DENND2B: variants seen among roughly 807,000 people sequenced by gnomAD.
DENND2B encodes the protein DENN domain containing 2B.
In DENND2B, 32 loss-of-function variants were observed where a neutral mutation model predicts 116.0. That is an observed-to-expected ratio of 0.28 (90% CI 0.21 to 0.37). The LOEUF (loss-of-function observed/expected upper bound fraction) is 0.37, where lower values mean the gene tolerates loss of function less well. DENND2B is among the 10% of genes least tolerant of loss of function. The pLI, the probability that DENND2B is intolerant of heterozygous loss-of-function variation, is 1.00. For synonymous variants in DENND2B, 588 were observed against 583.9 expected, an observed-to-expected ratio of 1.01 and a Z score of -0.10; for missense variants, 1,276 against 1,477.7, an observed-to-expected ratio of 0.86 and a Z score of 2.24.
chr11:8,862,039 G>A (rs961824758), intron 2 of DENND2B, among the ~76,000 whole-genome samples: 1 of 151,764 alleles, frequency 6.6e-6, no homozygotes, highest in African/African-American at 2.4e-5. Flanking sequence ...GGGGGAGGAA[G>A]GGAGGGAGGG....
chr11:8,842,545 G>A (rs923788655), intron 3 of DENND2B, among the ~76,000 whole-genome samples: 4 of 152,136 alleles, frequency 2.6e-5, no homozygotes, highest in African/African-American at 7.2e-5. Context: ...GTGTGGTATC[G>A]ACTCGACCCT....
intron 6 of DENND2B, 43 bp downstream of exon 6, chr11:8,715,560 G>A (rs372761205): frequency 2.5e-5 from 40 of 1,597,504 alleles, no homozygotes; most frequent in African/African-American, 1.3e-4. Context: ...CTGCCTGCCC[G>A]CCCACCTGCC....
rs528933666 is a variant in DENND2B, at chr11:8,708,377, A to C, written c.2353-523T>G. 5 of 971,294 alleles carry C rather than the reference A, an allele frequency of 5.1e-6. No homozygotes were observed. The South Asian group carries it at 1.4e-4, about 28-fold the overall frequency. 60.2% of individuals were successfully genotyped at this position (971,294 alleles called of 1,614,324 possible). A position where few individuals can be genotyped will look rare whatever the true frequency, so the allele number is the denominator to read the frequency against. ...AAACAAGAGATGGGAGCTACTGTTT[A>C]TGGAACATTTGCTATACCTGACTCC... On this transcript the variant is annotated intron_variant, in intron 11 of 19. Transcript: ENST00000313726.
intron 11 of DENND2B, 51 bp downstream of exon 11, chr11:8,710,794 C>CAT (rs1555112622): frequency 7.2e-7 from 1 of 1,385,498 alleles, no homozygotes; most frequent in East Asian, 2.3e-5. Context: ...CACACACACA[C>CAT]CCTGGCCTAT....
chr11:8,733,689 T>C (rs935094812), intron 2 of DENND2B, among the ~76,000 whole-genome samples: 3 of 152,104 alleles, frequency 2.0e-5, no homozygotes, highest in African/African-American at 7.2e-5. Flanking sequence ...TTACTTATGG[T>C]AGTGTGGGGC....
Position 8,789,280 on chromosome 11 carries a change from T to C in DENND2B, c.-26+21237A>G, listed in dbSNP as rs145057467. Among the ~76,000 whole-genome samples, 263 of 152,330 alleles carry C rather than the reference T, an allele frequency of 1.7e-3. 1 individual carries two copies. Among genetic ancestry groups the C allele is most frequent in the African/African-American group, 5.8e-3 (241 of 41,570 alleles). On this transcript the variant is annotated intron_variant, in intron 1 of 19. Transcript: ENST00000313726. ...ACAGATAATGGTTGAAGCTGGATGG[T>C]GGACACAGCAGTAGTCATCTATTCT...
At chr11:8,890,579 A>G (rs1023879161) in intron 1 of DENND2B, among the ~76,000 whole-genome samples, 2 of 152,236 alleles carry the variant, frequency 1.3e-5, no homozygotes, top group Non-Finnish European at 2.9e-5. Context: ...ATGGCATGAG[A>G]ACTACGTGAT....
At chr11:8,703,007 G>A (rs74055113) in intron 13 of DENND2B, 5,228 of 421,250 alleles carry the variant, frequency 0.012, 225 homozygotes, top group African/African-American at 0.096. Flanking sequence ...AGGAAGAGAG[G>A]AGAGCTGACT....
chr11:8,698,022 C>G (rs2040709926), intron 16 of DENND2B: 1 of 392,340 alleles, frequency 2.5e-6, no homozygotes, highest in African/African-American at 2.1e-5. Context: ...ACCTGTACTC[C>G]CAGCTACTTA....
chr11:8,757,222 A>G, intron 1 of DENND2B: 5 of 389,794 alleles, frequency 1.3e-5, no homozygotes, highest in South Asian at 9.6e-5. Context: ...CATAATAGCA[A>G]TATGACCTAC....
At chr11:8,854,925 T>C (rs1359834787) in intron 3 of DENND2B, among the ~76,000 whole-genome samples, 1 of 152,190 alleles carries the variant, frequency 6.6e-6, no homozygotes, top group Non-Finnish European at 1.5e-5. Context: ...TTGGTCAGAC[T>C]AGTCTCAAAC....
At chr11:8,699,017 C>T in intron 15 of DENND2B, 43 bp from the exon 16 acceptor site, 1 of 1,608,646 alleles carries the variant, frequency 6.2e-7, no homozygotes, top group South Asian at 1.1e-5. Flanking sequence ...GGGCATGAGT[C>T]CCGCAATGCC....
chr11:8,780,633 G>A (rs1355064347), intron 1 of DENND2B, among the ~76,000 whole-genome samples: 1 of 152,208 alleles, frequency 6.6e-6, no homozygotes, highest in African/African-American at 2.4e-5. Context: ...AGACATGTCG[G>A]CTCTTAGAGG....
At position 8,883,894 on chromosome 11, in the gene DENND2B, G is replaced by A. The variant is rs146401216; in HGVS notation, c.-255-2785C>T. Among the ~76,000 whole-genome samples the A allele has an allele frequency of 1.8e-4, 27 of 152,320 alleles. No individual in the cohort carries two copies. In the East Asian group the frequency reaches 4.0e-3, roughly 23 times the overall value. On this transcript the variant is annotated intron_variant, in intron 1 of 22. Coordinates refer to the DENND2B transcript ENST00000534127. Reference sequence around the variant, plus strand: ...AAAAACATTTTTGGCTGACTTAAGCGATGTTTTGAATCTTTACAAACCATT... The same window carrying A: ...AAAAACATTTTTGGCTGACTTAAGCAATGTTTTGAATCTTTACAAACCATT...
rs910915655 is a variant in DENND2B, at chr11:8,712,044, A to G, written c.2172+507T>C. 8.8e-6 allele frequency: 4 copies of G among 454,522 alleles called. No individual in the cohort carries two copies. The highest frequency in any genetic ancestry group is 8.0e-5 in the African/African-American group (4 of 49,910). 28.2% of individuals were successfully genotyped at this position (454,522 alleles called of 1,614,324 possible). A position where few individuals can be genotyped will look rare whatever the true frequency, so the allele number is the denominator to read the frequency against. On this transcript the variant is annotated intron_variant, in intron 9 of 19. Transcript: ENST00000313726. The surrounding 1 kb of genome is among the most constrained non-coding windows in gnomAD (Gnocchi z 4.4). ...GCTGGAGAAAGCACATTCCTGGCAG[A>G]GGCAATGGCAGAGAGAGAGGGGTTG...
At position 8,730,776 on chromosome 11, in the gene DENND2B, C is replaced by T. The variant is rs1384978136; in HGVS notation, c.514G>A (p.Glu172Lys). 4 of 1,612,964 alleles carry T rather than the reference C, an allele frequency of 2.5e-6. No individual in the cohort carries two copies. The highest frequency in any genetic ancestry group is 3.4e-6 in the Non-Finnish European group (4 of 1,179,994). Residue 172 changes from glutamate to lysine, a missense_variant, in exon 3 of 20, where the codon GAA becomes AAA. Physicochemically the swap from Glu to Lys is moderately conservative, Grantham distance 56. This residue lies in a region of DENND2B where 856 missense variants were observed against 846.6 expected (regional missense o/e 1.01). Transcript: ENST00000313726. This position sits in a 1 kb window ranked among gnomAD's most constrained non-coding sequence, Gnocchi z 4.1. ...CTGGGCGACGCCTCTCGGCGACCTT[C>T]CCATGCTGATATCTTCTCCCGGATG... is the stretch of plus-strand genomic sequence containing the variant. The part of the protein sequence containing the change: ...LGIREKISAW[E>K]GRREASPRMS...
chr11:8,828,967 GGTGT>G (rs1216933281), intron 4 of DENND2B, among the ~76,000 whole-genome samples: 5 of 149,450 alleles, frequency 3.3e-5, no homozygotes, highest in African/African-American at 4.9e-5. Context: ...TGTGTGTGTG[GGTGT>G]GTGTGTGGTG....
intron 4 of DENND2B, among the ~76,000 whole-genome samples, chr11:8,835,198 C>T (rs948429738): frequency 3.9e-5 from 6 of 152,144 alleles, no homozygotes; most frequent in African/African-American, 7.2e-5. Flanking sequence ...GAGCTGAGAT[C>T]GCGCCACCAC....
At chr11:8,845,199 T>A in intron 3 of DENND2B, 1 of 152,222 alleles carries the variant, frequency 6.6e-6, no homozygotes, top group Middle Eastern at 3.2e-3. Flanking sequence ...GCATTAATTT[T>A]TCATTTTTAT....
Sources: allele counts gnomAD v4.1 joint callset (sites outside exome capture counted in the v4.1 genomes callset), GRCh38; gene constraint gnomAD v4.1.1; regional missense constraint gnomAD v4.1.1; non-coding constraint Gnocchi (gnomAD v3.1); transcripts MANE v1.5; gene names NCBI Gene and HGNC (gene_info 2026-07-23, HGNC 2026-07-21).